The following UNC5D variants were observed in gnomAD, a reference collection of about 807,000 sequenced individuals.
UNC5D encodes the protein unc-5 netrin receptor D.
A neutral mutation model predicts 105.4 loss-of-function variants in UNC5D; 39 were observed. The ratio of observed to expected loss-of-function variants is 0.37; its 90% CI spans 0.29 to 0.48. The LOEUF is 0.48. Ranked by LOEUF, UNC5D falls within the 20% of genes least tolerant of loss-of-function variation. UNC5D has a pLI of 0.98. For missense variants in UNC5D, 991 were observed against 1,202.4 expected, an observed-to-expected ratio of 0.82 and a Z score of 2.60; for synonymous variants, 452 against 450.4, an observed-to-expected ratio of 1.00 and a Z score of -0.04.
At chr8:35,686,814 A>C in intron 7 of UNC5D, 105 bp downstream of exon 7, 1 of 1,419,432 alleles carries the variant, frequency 7.0e-7, no homozygotes, top group Non-Finnish European at 9.4e-7. Context: ...GTTAGCAGAA[A>C]GCCAAGCTGC....
At chr8:35,346,331 G>A (rs1811804696) in intron 1 of UNC5D, among the ~76,000 whole-genome samples, 1 of 151,946 alleles carries the variant, frequency 6.6e-6, no homozygotes, top group South Asian at 2.1e-4. Context: ...GATTCTAAAG[G>A]TTTTTTCCTT....
At chr8:35,637,854 C>T (rs1442488422) in intron 4 of UNC5D, among the ~76,000 whole-genome samples, 1 of 152,144 alleles carries the variant, frequency 6.6e-6, no homozygotes, top group Non-Finnish European at 1.5e-5. Flanking sequence ...TATTCAACAG[C>T]TGTTTTTTGA....
chr8:35,705,984 A>G lies in UNC5D; in HGVS notation c.1117+23A>G, dbSNP rs753177081. On this transcript the variant is annotated intron_variant, in intron 8 of 16. Transcript: ENST00000404895. ...AAAGTAAGTTATTTTTCCTCTTGTG[A>G]ATATAATTTATTCTCATATTTGCTG... The G allele has an allele frequency of 2.3e-6, 3 of 1,291,892 alleles. No homozygotes were observed. The South Asian group carries it at 3.8e-5, about 16-fold the overall frequency. 80.0% of individuals were successfully genotyped at this position (1,291,892 alleles called of 1,614,324 possible). A position where few individuals can be genotyped will look rare whatever the true frequency, so the allele number is the denominator to read the frequency against.
intron 1 of UNC5D, among the ~76,000 whole-genome samples, chr8:35,307,887 T>C (rs1808547151): frequency 1.3e-5 from 2 of 152,136 alleles, no homozygotes; most frequent in South Asian, 4.1e-4. Flanking sequence ...GGGAAACTTC[T>C]GAAATTTTCA....
chr8:35,604,419 A>T (rs1381433365), intron 4 of UNC5D, among the ~76,000 whole-genome samples: 2 of 152,168 alleles, frequency 1.3e-5, no homozygotes, highest in Non-Finnish European at 2.9e-5. Context: ...ATCAGCTGTT[A>T]GTCTGATGGG....
At chr8:35,626,104 G>A (rs1821685655) in intron 4 of UNC5D, among the ~76,000 whole-genome samples, 1 of 151,988 alleles carries the variant, frequency 6.6e-6, no homozygotes, top group Non-Finnish European at 1.5e-5. Context: ...ATGCTAATGG[G>A]AGCTCTATGC....
At chr8:35,346,206 G>A (rs1469657912) in intron 1 of UNC5D, among the ~76,000 whole-genome samples, 1 of 152,000 alleles carries the variant, frequency 6.6e-6, no homozygotes, top group East Asian at 1.9e-4. Context: ...GGATTGGACT[G>A]AGGAAGTCTG....
At chr8:35,333,176 AT>A (rs1267564302) in intron 1 of UNC5D, among the ~76,000 whole-genome samples, 2 of 151,942 alleles carry the variant, frequency 1.3e-5, no homozygotes, top group Non-Finnish European at 2.9e-5. Flanking sequence ...TCTACAAAAA[AT>A]TTTTTAAAAA....
chr8:35,316,287 C>T lies in UNC5D; in HGVS notation c.103+80400C>T, dbSNP rs185843717. Among the ~76,000 whole-genome samples the T allele has an allele frequency of 9.1e-4, 139 of 152,112 alleles. No homozygotes were observed. The South Asian group carries it at 0.01, about 11-fold the overall frequency. On this transcript the variant is annotated intron_variant, in intron 1 of 16. Coordinates refer to ENST00000404895, the MANE Select transcript of UNC5D (RefSeq NM_080872.4). ...AACACATTTAGGAAAGCACAATCAC[C>T]TCATTACTTGTTAGTCAATAATGAA...
At chr8:35,555,140 TAATCTC>T (rs1184274280) in intron 2 of UNC5D, among the ~76,000 whole-genome samples, 1 of 152,204 alleles carries the variant, frequency 6.6e-6, no homozygotes, top group Non-Finnish European at 1.5e-5. Context: ...AGCACAGAAA[TAATCTC>T]TAAAGTGTTT....
intron 1 of UNC5D, among the ~76,000 whole-genome samples, chr8:35,334,469 T>G (rs978698358): frequency 6.6e-6 from 1 of 152,146 alleles, no homozygotes; most frequent in African/African-American, 2.4e-5. Flanking sequence ...GGAGTTAGAC[T>G]ACTTAGATTT....
chr8:35,441,721 A>G (rs1158914452), intron 1 of UNC5D, among the ~76,000 whole-genome samples: 2 of 151,714 alleles, frequency 1.3e-5, no homozygotes, highest in Non-Finnish European at 2.9e-5. Flanking sequence ...CATTTGGGCT[A>G]TGATGTATCA....
Position 35,702,458 on chromosome 8 carries a change from C to A in UNC5D, c.1085-3471C>A, listed in dbSNP as rs149929215. 5.0e-3 allele frequency among the ~76,000 whole-genome samples: 762 copies of A among 152,036 alleles called. 5 individuals are homozygous for A. Among genetic ancestry groups the A allele is most frequent in the African/African-American group, 0.017 (709 of 41,460 alleles). On this transcript the variant is annotated intron_variant, in intron 7 of 16. Transcript: ENST00000404895. ...TAATATGCAGCCAACACCACTAAGC[C>A]AACACCACCACCAAGAACCATGGCC... is the stretch of plus-strand genomic sequence containing the variant.
chr8:35,603,560 C>T (rs899647795), intron 4 of UNC5D, among the ~76,000 whole-genome samples: 5 of 151,906 alleles, frequency 3.3e-5, no homozygotes, highest in African/African-American at 7.3e-5. Flanking sequence ...CTATTAGGTC[C>T]ACTTGGTGCA....
intron 1 of UNC5D, chr8:35,255,047 G>A (rs532899357): frequency 6.6e-6 from 1 of 152,234 alleles, no homozygotes; most frequent in South Asian, 2.1e-4. Context: ...CCACCTCAGG[G>A]GAGTTCTTAA....
At chr8:35,256,484 C>T (rs1326842403) in intron 1 of UNC5D, 1 of 151,804 alleles carries the variant, frequency 6.6e-6, no homozygotes, top group African/African-American at 2.4e-5. Context: ...AACGCCCTGA[C>T]GGGAGTTTTA....
chr8:35,503,364 G>C (rs987797214), intron 1 of UNC5D, among the ~76,000 whole-genome samples: 4 of 152,134 alleles, frequency 2.6e-5, no homozygotes, highest in Non-Finnish European at 5.9e-5. Flanking sequence ...AATGAGAGCC[G>C]CGTCAAAGGG....
chr8:35,709,245 C>A (rs1031542082), intron 8 of UNC5D, among the ~76,000 whole-genome samples: 1 of 152,192 alleles, frequency 6.6e-6, no homozygotes, highest in East Asian at 1.9e-4. Flanking sequence ...ATCAAGCTTA[C>A]GTGTTAGTGA....
intron 1 of UNC5D, among the ~76,000 whole-genome samples, chr8:35,278,245 T>A (rs1277640688): frequency 2.6e-5 from 4 of 152,176 alleles, no homozygotes; most frequent in Non-Finnish European, 5.9e-5. Context: ...CCGGCTGCCC[T>A]CTGGCCACAC....
Sources: gnomAD v4.1 joint callset for allele counts (sites outside exome capture counted in the v4.1 genomes callset) on GRCh38, gnomAD v4.1.1 for gene constraint, MANE v1.5 for transcripts, NCBI Gene and HGNC (gene_info 2026-07-23, HGNC 2026-07-21) for gene names.